SYNE1: variants seen among roughly 807,000 people sequenced by gnomAD.
SYNE1 encodes the protein spectrin repeat containing nuclear envelope protein 1.
Under a neutral mutation model 1,111.0 loss-of-function variants are expected in SYNE1, and 616 were observed. The observed-to-expected ratio is 0.55, with a 90% CI of 0.52 to 0.59. SYNE1 has a LOEUF of 0.59. Ranked by LOEUF, SYNE1 falls within the 20% of genes least tolerant of loss-of-function variation. The pLI, the probability that SYNE1 is intolerant of heterozygous loss-of-function variation, is 0.00. For synonymous variants in SYNE1, 3,855 were observed against 3,825.8 expected (o/e 1.01, Z -0.28); for missense variants, 10,006 against 10,417.0 (o/e 0.96, Z 1.72).
At chr6:152,516,207 C>T (rs1056251765) in intron 6 of SYNE1, among the ~76,000 whole-genome samples, 7 of 152,008 alleles carry the variant, frequency 4.6e-5, no homozygotes, top group Admixed American at 1.3e-4. Flanking sequence ...AGAGTGTGGC[C>T]GACAAGAATG....
At chr6:152,356,848 T>C (rs1284144125) in intron 66 of SYNE1, among the ~76,000 whole-genome samples, 1 of 152,214 alleles carries the variant, frequency 6.6e-6, no homozygotes, top group Non-Finnish European at 1.5e-5. Flanking sequence ...GAATACCGGC[T>C]TAAGTGAAAT....
At chr6:152,523,243 T>C (rs527601352) in intron 5 of SYNE1, among the ~76,000 whole-genome samples, 3 of 152,188 alleles carry the variant, frequency 2.0e-5, no homozygotes, top group Admixed American at 6.6e-5. Flanking sequence ...AGGCGAGGGA[T>C]AGGGGTCCAG....
chr6:152,490,718 G>A (rs2098965755), intron 11 of SYNE1, among the ~76,000 whole-genome samples: 1 of 152,054 alleles, frequency 6.6e-6, no homozygotes, highest in South Asian at 2.1e-4. Context: ...CCTGTTTGTT[G>A]GGCTCTTCAC....
chr6:152,291,712 T>C (rs1426023566), intron 95 of SYNE1, among the ~76,000 whole-genome samples: 1 of 152,116 alleles, frequency 6.6e-6, no homozygotes, highest in African/African-American at 2.4e-5. Context: ...GATGGGTCTT[T>C]GGCAATTGTG....
At position 152,505,081 on chromosome 6, in the gene SYNE1, C is replaced by T. The variant is rs531085794; in HGVS notation, c.778+120G>A. On this transcript the variant is annotated intron_variant, in intron 9 of 145. Transcript: ENST00000367255. ...TGATGCAGGAAAATACCATTACTTG[C>T]CACTTTTCTCCAGCTTTCTGGCCTC... 2.7e-6 allele frequency: 3 copies of T among 1,104,198 alleles called. No homozygotes were observed. In the East Asian group the frequency reaches 7.4e-5, roughly 27 times the overall value. 68.4% of individuals were successfully genotyped at this position (1,104,198 alleles called of 1,614,324 possible). A position where few individuals can be genotyped will look rare whatever the true frequency, so the allele number is the denominator to read the frequency against.
At position 152,309,848 on chromosome 6, in the gene SYNE1, C is replaced by T. The variant is rs759609921; in HGVS notation, c.17189G>A (p.Cys5730Tyr). 3 of 1,613,988 alleles carry T rather than the reference C, an allele frequency of 1.9e-6. No homozygotes were observed. Among genetic ancestry groups the T allele is most frequent in the Admixed American group, 3.3e-5 (2 of 60,024 alleles). ...CCCTGCACCTGCCTGCATGATGTTA[C>T]ACTGCTGGATGGCGGTGTGCTGCAG... ...SRLQHTAIQQ[C>Y]NIMQEAVVQY... The change falls in exon 90 of 146, where the codon TGT becomes TAT. Residue 5730 changes from cysteine to tyrosine, a missense_variant. By Grantham distance (194) the Cys-to-Tyr change is radical. Transcript: ENST00000367255.
chr6:152,509,173 T>C (rs1263643910), intron 8 of SYNE1, among the ~76,000 whole-genome samples: 1 of 151,940 alleles, frequency 6.6e-6, no homozygotes, highest in African/African-American at 2.4e-5. Flanking sequence ...AATACTTATA[T>C]AATCAACTGA....
At chr6:152,310,667 C>CTTTTTTTTTTTTTTTTTTTTTTTTTTTTT in intron 88 of SYNE1, 21 bp downstream of exon 88, 1 of 1,509,538 alleles carries the variant, frequency 6.6e-7, no homozygotes, top group Non-Finnish European at 9.1e-7. Context: ...TTTTCTGTTT[C>CTTTTTTTTTTTTTTTTTTTTTTTTTTTTT]TTTTTTTTTT....
Position 152,321,360 on chromosome 6 carries a change from G to A in SYNE1, c.16114C>T (p.Gln5372Ter). The change falls in exon 84 of 146, where the codon CAG becomes TAG. Residue 5372 changes from glutamine to a stop codon, truncating the protein, a stop_gained. Coordinates refer to ENST00000367255, the MANE Select transcript of SYNE1 (RefSeq NM_182961.4). LOFTEE classifies it high-confidence loss of function. ...ILLTEATNHR[Q>*]NIEKMAEEQK... Reference sequence around the variant, plus strand: ...TCTTCTGCCATTTTTTCAATGTTCTGTCGGTGATTTGTGGCTTCTGTTAGG... The same window carrying A: ...TCTTCTGCCATTTTTTCAATGTTCTATCGGTGATTTGTGGCTTCTGTTAGG... 5 of 1,613,820 alleles carry A rather than the reference G, an allele frequency of 3.1e-6. No homozygotes were observed. Among genetic ancestry groups the A allele is most frequent in the Non-Finnish European group, 4.2e-6 (5 of 1,179,884 alleles).
intron 137 of SYNE1, chr6:152,146,933 C>G (rs1052345068): frequency 6.6e-6 from 1 of 152,352 alleles, no homozygotes; most frequent in African/African-American, 2.4e-5. Flanking sequence ...GGCTTCTGCA[C>G]TTCACACCGT....
Position 152,249,215 on chromosome 6 carries a change from G to GA in SYNE1, c.19517dup (p.Ile6507HisfsTer10). 1 of 1,614,022 alleles carries GA rather than the reference G, an allele frequency of 6.2e-7. No homozygotes were observed. Among genetic ancestry groups the GA allele is most frequent in the Non-Finnish European group, 8.5e-7 (1 of 1,179,942 alleles). On this transcript the variant is annotated frameshift_variant, in exon 105 of 146. Transcript: ENST00000367255. LOFTEE classifies it high-confidence loss of function. ...ACACATTTGCCAGTTTTTGCAGAAT[G>GA]ATGTATTTGTTGTCAGCCAGTGATG...
At chr6:152,145,663 G>A in intron 137 of SYNE1, 1 of 951,448 alleles carries the variant, frequency 1.1e-6, no homozygotes, top group South Asian at 1.3e-5. Flanking sequence ...AGTTATTCTA[G>A]ACACATAGCT....
intron 51 of SYNE1, among the ~76,000 whole-genome samples, chr6:152,391,975 T>C (rs1264438508): frequency 1.3e-5 from 2 of 152,208 alleles, no homozygotes; most frequent in East Asian, 3.8e-4. Context: ...CTGTCTTGTA[T>C]CTACATGGAG....
At chr6:152,144,165 C>T (rs1026526035) in intron 137 of SYNE1, 7 of 306,666 alleles carry the variant, frequency 2.3e-5, no homozygotes, top group Middle Eastern at 1.1e-3. Context: ...TTTCTGCTAT[C>T]GCTTAGTGAG....
chr6:152,247,900 T>A (rs1280491156), intron 105 of SYNE1, among the ~76,000 whole-genome samples: 1 of 150,798 alleles, frequency 6.6e-6, no homozygotes, highest in Non-Finnish European at 1.5e-5. Context: ...ATATTATATG[T>A]CAGATTATTC....
intron 106 of SYNE1, 65 bp downstream of exon 106, chr6:152,244,472 G>T: frequency 1.2e-6 from 2 of 1,610,448 alleles, no homozygotes; most frequent in South Asian, 2.2e-5. Context: ...AAAATAAAGT[G>T]ATTTTTTCTA....
chr6:152,518,631 G>C (rs1424451293), intron 6 of SYNE1, among the ~76,000 whole-genome samples: 1 of 152,000 alleles, frequency 6.6e-6, no homozygotes, highest in Non-Finnish European at 1.5e-5. Context: ...TTTCTTTATA[G>C]CATGTGAGAA....
intron 106 of SYNE1, 85 bp from the exon 107 acceptor site, chr6:152,242,525 C>T: frequency 2.1e-5 from 32 of 1,495,618 alleles, no homozygotes; most frequent in Non-Finnish European, 2.9e-5. Context: ...CGCACCAAGC[C>T]CGAGACCCAA....
chr6:152,582,190 A>C (rs1256113222), intron 3 of SYNE1, among the ~76,000 whole-genome samples: 7 of 152,018 alleles, frequency 4.6e-5, no homozygotes, highest in Admixed American at 2.6e-4. Context: ...TTAGCCTGAC[A>C]CTCTGAATAC....
Sources: allele counts gnomAD v4.1 joint callset (sites outside exome capture counted in the v4.1 genomes callset), GRCh38; gene constraint gnomAD v4.1.1; transcripts MANE v1.5; gene names NCBI Gene and HGNC (gene_info 2026-07-23, HGNC 2026-07-21).